The following ZNF541 variants were observed in gnomAD, a reference collection of about 807,000 sequenced individuals.
The protein encoded by ZNF541 is zinc finger protein 541.
In ZNF541, 23 loss-of-function variants were observed where a neutral mutation model predicts 123.5. The observed-to-expected ratio is 0.19, with a 90% CI of 0.13 to 0.26. The LOEUF is 0.26. ZNF541 is among the 10% of genes least tolerant of loss of function. The pLI is 1.00. For synonymous variants in ZNF541, 751 were observed against 754.5 expected, an observed-to-expected ratio of 1.00 and a Z score of 0.08; for missense variants, 1,612 against 1,789.9, an observed-to-expected ratio of 0.90 and a Z score of 1.79.
intron 3 of ZNF541, among the ~76,000 whole-genome samples, chr19:47,553,768 T>G (rs891043448): frequency 1.3e-5 from 2 of 152,046 alleles, no homozygotes; most frequent in African/African-American, 2.4e-5. Context: ...TGGAACTCCT[T>G]ATCTCAAGCG....
Position 47,555,773 on chromosome 19 carries a change from G to T in ZNF541, c.84C>A (p.Asn28Lys), listed in dbSNP as rs1335246973. The T allele has an allele frequency of 7.2e-5, 112 of 1,551,606 alleles. No individual in the cohort carries two copies. In the East Asian group the frequency reaches 2.7e-3, roughly 38 times the overall value. Reference sequence around the variant, plus strand: ...AATCCCGGTTGAGGGTGTCGCTGCAGTTGAGCCCTTGGCTCTCTGAAAATG... The same window carrying T: ...AATCCCGGTTGAGGGTGTCGCTGCATTTGAGCCCTTGGCTCTCTGAAAATG... ...LPSFSESQGL[N>K]CSDTLNRDLG... Residue 28 changes from asparagine to lysine, a missense_variant, in exon 3 of 17, where the codon AAC (asparagine) becomes AAA (lysine). By Grantham distance (94) the Asn-to-Lys change is moderately conservative. Transcript: ENST00000391901.
Position 47,539,763 on chromosome 19 carries a change from A to G in ZNF541, c.2738T>C (p.Val913Ala). 1 of 1,470,664 alleles carries G rather than the reference A, an allele frequency of 6.8e-7. No homozygotes were observed. The allele number at this position is 1,470,664 out of a possible 1,614,324, so 91.1% of individuals were successfully genotyped here. ...PLDPTAAAPL[V>A]VPQSIPVVPV... is the part of the protein sequence containing the mutation. Reference sequence around the variant, plus strand: ...AACCACGGGGATCGATTGGGGGACCACCAAAGGGGCTGCAGCTGTGGGGTC... The same window carrying G: ...AACCACGGGGATCGATTGGGGGACCGCCAAAGGGGCTGCAGCTGTGGGGTC... Residue 913 changes from valine to alanine, a missense_variant, in exon 8 of 17, where the codon GTG (valine) becomes GCG (alanine). This residue lies in a region of ZNF541 where 1,080 missense variants were observed against 1,013.8 expected (regional missense o/e 1.07). Coordinates refer to ENST00000391901, the MANE Select transcript of ZNF541 (RefSeq NM_001277075.3).
In ZNF541 at chr19:47,528,980, G is replaced by C; in HGVS notation, c.3540C>G (p.His1180Gln). ...TGTGTATCAAGTAGAAGTCCTTCTT[G>C]TGGGCATAGAACGCCTTCTTAAAAA... ...KRLFKKAFYA[H>Q]KKDFYLIHKM... The change falls in exon 14 of 17, where the codon CAC (histidine) becomes CAG (glutamine). Residue 1180 changes from histidine (H) to glutamine (Q), a missense_variant. By Grantham distance (24) the His-to-Gln change is conservative. Coordinates refer to ENST00000391901, the MANE Select transcript of ZNF541 (RefSeq NM_001277075.3). 9 of 1,551,588 alleles carry C rather than the reference G, an allele frequency of 5.8e-6. No homozygotes were observed. Among genetic ancestry groups the C allele is most frequent in the Non-Finnish European group, 7.8e-6 (9 of 1,146,920 alleles).
At chr19:47,566,421 T>C (rs1257719953) in intron 2 of ZNF541, among the ~76,000 whole-genome samples, 1 of 152,214 alleles carries the variant, frequency 6.6e-6, no homozygotes, top group Admixed American at 6.6e-5. Flanking sequence ...CTGCAATATA[T>C]TTAAATATGT....
rs144822225 is a variant in ZNF541, at chr19:47,565,507, C to A, written c.-99+6389G>T. Among the ~76,000 whole-genome samples, 187 of 152,170 alleles carry A rather than the reference C, an allele frequency of 1.2e-3. 1 individual carries two copies. The highest frequency in any genetic ancestry group is 4.3e-3 in the African/African-American group (177 of 41,506). ...GGGATTTAGTTCATAATAATGCCTTCGGGCTCTACTAGAGGCCAGCTGGCA... is the reference window on the plus strand; with the variant it reads ...GGGATTTAGTTCATAATAATGCCTTAGGGCTCTACTAGAGGCCAGCTGGCA... On this transcript the variant is annotated intron_variant, in intron 2 of 16. Transcript: ENST00000391901.
chr19:47,553,980 T>C (rs1238764542), intron 3 of ZNF541, among the ~76,000 whole-genome samples: 2 of 152,176 alleles, frequency 1.3e-5, no homozygotes, highest in African/African-American at 4.8e-5. Context: ...AAGAATATGG[T>C]CTAACAGTCC....
At chr19:47,555,101 G>T (rs1970761172) in intron 3 of ZNF541, among the ~76,000 whole-genome samples, 1 of 151,660 alleles carries the variant, frequency 6.6e-6, no homozygotes, top group African/African-American at 2.4e-5. Flanking sequence ...CGGGTGCGGT[G>T]GCTCATGCCT....
chr19:47,566,186 T>A (rs1280877789), intron 2 of ZNF541, among the ~76,000 whole-genome samples: 1 of 151,080 alleles, frequency 6.6e-6, no homozygotes, highest in Non-Finnish European at 1.5e-5. Context: ...CAAAAAAAAA[T>A]AAAATAAAAT....
chr19:47,535,244 C>T (rs1173660439), intron 9 of ZNF541, among the ~76,000 whole-genome samples: 2 of 152,168 alleles, frequency 1.3e-5, no homozygotes, highest in African/African-American at 4.8e-5. Context: ...TGAGCCACCG[C>T]ACCTGGACCA....
At chr19:47,540,762 T>C in intron 6 of ZNF541, 131 bp downstream of exon 6, 4 of 905,566 alleles carry the variant, frequency 4.4e-6, no homozygotes, top group Non-Finnish European at 6.6e-6. Context: ...ATAAACCCTA[T>C]AAAATGGAGG....
intron 3 of ZNF541, among the ~76,000 whole-genome samples, chr19:47,550,809 C>A (rs1206227681): frequency 6.6e-6 from 1 of 152,014 alleles, no homozygotes; most frequent in Admixed American, 6.6e-5. Context: ...CCACTCCCAG[C>A]TGATTTTTAA....
At chr19:47,550,449 AAAG>A (rs1970553666) in intron 3 of ZNF541, among the ~76,000 whole-genome samples, 1 of 152,052 alleles carries the variant, frequency 6.6e-6, no homozygotes, top group African/African-American at 2.4e-5. Flanking sequence ...GAAAGAAAGA[AAAG>A]AAAGAAAGAA....
chr19:47,533,150 C>T lies in ZNF541; in HGVS notation c.3095-178G>A, dbSNP rs139116853. Among the ~76,000 whole-genome samples, 1,063 of 150,798 alleles carry T rather than the reference C, an allele frequency of 7.0e-3. 16 individuals are homozygous for T. Among genetic ancestry groups the T allele is most frequent in the African/African-American group, 0.025 (1,014 of 41,022 alleles). Reference sequence around the variant, plus strand: ...TTGGGAGGCTGAGGTGGGAGGATCACGAGGTCAGGAGATCAAGACCATCCT... The same window carrying T: ...TTGGGAGGCTGAGGTGGGAGGATCATGAGGTCAGGAGATCAAGACCATCCT... On this transcript the variant is annotated intron_variant, in intron 9 of 16. Transcript: ENST00000391901.
chr19:47,565,454 C>G (rs1189795413), intron 2 of ZNF541, among the ~76,000 whole-genome samples: 1 of 152,128 alleles, frequency 6.6e-6, no homozygotes, highest in Non-Finnish European at 1.5e-5. Context: ...TACTTAATTG[C>G]TTCAGGCTAA....
chr19:47,561,999 AGC>A, intron 2 of ZNF541, among the ~76,000 whole-genome samples: 1 of 152,224 alleles, frequency 6.6e-6, no homozygotes, highest in East Asian at 1.9e-4. Flanking sequence ...CTGTAATCCC[AGC>A]ATTTTGGGAG....
intron 14 of ZNF541, 117 bp from the exon 15 acceptor site, chr19:47,522,111 C>A: frequency 7.4e-7 from 1 of 1,347,912 alleles, no homozygotes. Flanking sequence ...CTTCCTTTGG[C>A]TTGGCGTTAC....
intron 3 of ZNF541, 40 bp from the exon 4 acceptor site, chr19:47,549,525 G>A (rs1014139084): frequency 1.2e-5 from 19 of 1,547,758 alleles, no homozygotes; most frequent in Non-Finnish European, 1.6e-5. Flanking sequence ...CACAGCCAAG[G>A]CAACCAAGCG....
chr19:47,521,702 T>TAA lies in ZNF541; in HGVS notation c.3712-50_3712-49dup, dbSNP rs763914501. 25 of 1,541,632 alleles carry TAA rather than the reference T, an allele frequency of 1.6e-5. No individual in the cohort carries two copies. Among genetic ancestry groups the TAA allele is most frequent in the Non-Finnish European group, 2.2e-5 (25 of 1,140,480 alleles). ...ATAAGGGTGCTGACCTGTCCTGCTG[T>TAA]AAGAGAGACACAGAGCTGGGGGCAT... On this transcript the variant is annotated intron_variant, in intron 15 of 16. Transcript: ENST00000391901. The surrounding 1 kb of genome is among the most constrained non-coding windows in gnomAD (Gnocchi z 4.2).
chr19:47,559,025 T>A (rs988364200), intron 2 of ZNF541, among the ~76,000 whole-genome samples: 2 of 146,416 alleles, frequency 1.4e-5, no homozygotes, highest in African/African-American at 2.5e-5. Flanking sequence ...ATTACAGGCG[T>A]GACCCACCGC....
Sources: gnomAD v4.1 joint callset for allele counts (sites outside exome capture counted in the v4.1 genomes callset) on GRCh38, gnomAD v4.1.1 for gene constraint, gnomAD v4.1.1 regional missense constraint, Gnocchi (gnomAD v3.1) non-coding constraint, MANE v1.5 for transcripts, NCBI Gene and HGNC (gene_info 2026-07-23, HGNC 2026-07-21) for gene names.